CNTNAP4: variants seen among roughly 807,000 people sequenced by gnomAD.
CNTNAP4 encodes the protein contactin associated protein family member 4.
CNTNAP4 carries 98 observed loss-of-function variants against 148.4 expected under a neutral mutation model. The observed-to-expected ratio is 0.66, with a 90% CI of 0.56 to 0.78. CNTNAP4 has a LOEUF of 0.78. CNTNAP4 is among the 30% of genes least tolerant of loss of function. CNTNAP4 has a pLI of 0.00. For synonymous variants in CNTNAP4, 730 were observed against 565.1 expected (o/e 1.29, Z -4.14); for missense variants, 1,935 against 1,565.6 (o/e 1.24, Z -3.98).
chr16:76,316,101 T>C (rs920584812), intron 1 of CNTNAP4: 5 of 430,894 alleles, frequency 1.2e-5, no homozygotes, highest in Non-Finnish European at 1.6e-5. Flanking sequence ...AAACCTTAAG[T>C]ATTTAATTTT....
At chr16:76,475,232 A>G (rs998671975) in intron 10 of CNTNAP4, among the ~76,000 whole-genome samples, 3 of 152,190 alleles carry the variant, frequency 2.0e-5, no homozygotes, top group South Asian at 2.1e-4. Flanking sequence ...TTGATTTCAC[A>G]TGGTACTTGC....
At chr16:76,463,116 C>G (rs2081044606) in intron 9 of CNTNAP4, among the ~76,000 whole-genome samples, 1 of 152,138 alleles carries the variant, frequency 6.6e-6, no homozygotes, top group African/African-American at 2.4e-5. Context: ...GTTTCCTTTA[C>G]TGAGATGTTT....
chr16:76,477,739 A>G (rs1002106383), intron 11 of CNTNAP4, among the ~76,000 whole-genome samples: 1 of 152,202 alleles, frequency 6.6e-6, no homozygotes, highest in Non-Finnish European at 1.5e-5. Context: ...GAAGGACAGT[A>G]TATTTTAATT....
intron 1 of CNTNAP4, among the ~76,000 whole-genome samples, chr16:76,296,276 G>C (rs923899137): frequency 6.6e-6 from 1 of 152,162 alleles, no homozygotes; most frequent in African/African-American, 2.4e-5. Context: ...CCGCAACACA[G>C]AGCATTATAA....
At chr16:76,437,747 CT>C (rs1568167412) in intron 4 of CNTNAP4, among the ~76,000 whole-genome samples, 1 of 151,944 alleles carries the variant, frequency 6.6e-6, no homozygotes, top group East Asian at 1.9e-4. Context: ...AGAGGAGTAT[CT>C]CTTTAATTAA....
chr16:76,421,328 A>G (rs560936111), intron 3 of CNTNAP4, among the ~76,000 whole-genome samples: 1 of 152,150 alleles, frequency 6.6e-6, no homozygotes, highest in Admixed American at 6.6e-5. Flanking sequence ...GCAAATTGAG[A>G]TGTATTATAC....
chr16:76,462,196 A>C lies in CNTNAP4; in HGVS notation c.1483+91A>C, dbSNP rs910026057. 6 of 1,097,320 alleles carry C rather than the reference A, an allele frequency of 5.5e-6. No homozygotes were observed. The African/African-American group carries it at 9.4e-5, about 17-fold the overall frequency. The allele number at this position is 1,097,320 out of a possible 1,614,324, so 68.0% of individuals were successfully genotyped here. ...GCGAAGTCATCATGTTTTAACTAAT[A>C]TGAATACTAAGGAATAATTTTTCAC... On this transcript the variant is annotated intron_variant, in intron 9 of 23. Coordinates refer to ENST00000611870, the MANE Select transcript of CNTNAP4 (RefSeq NM_033401.5).
chr16:76,307,371 G>T (rs1234110649), intron 1 of CNTNAP4, among the ~76,000 whole-genome samples: 1 of 151,718 alleles, frequency 6.6e-6, no homozygotes, highest in Non-Finnish European at 1.5e-5. Context: ...TTGCTGAGGT[G>T]TGTGTGATGA....
intron 2 of CNTNAP4, among the ~76,000 whole-genome samples, chr16:76,328,906 A>G (rs1963261681): frequency 6.6e-6 from 1 of 152,096 alleles, no homozygotes; most frequent in Admixed American, 6.5e-5. Context: ...CAGCCGCCCA[A>G]AGTGCTGGGC....
chr16:76,281,161 C>G lies in CNTNAP4; in HGVS notation c.85+3414C>G, dbSNP rs79580842. 1.0e-2 allele frequency among the ~76,000 whole-genome samples: 1,515 copies of G among 152,218 alleles called. 15 individuals are homozygous for G. Among genetic ancestry groups the G allele is most frequent in the Non-Finnish European group, 0.018 (1,193 of 67,966 alleles). ...GATCACTCTTGTGGGTCCTGGGAGA[C>G]AGCTGGACAGATTCTCACATTGTTA... On this transcript the variant is annotated intron_variant, in intron 1 of 23. Transcript: ENST00000611870.
intron 14 of CNTNAP4, among the ~76,000 whole-genome samples, chr16:76,496,057 A>C (rs1208689914): frequency 6.7e-6 from 1 of 149,460 alleles, no homozygotes; most frequent in East Asian, 2.0e-4. Context: ...ACAACAGATT[A>C]TGTTATATCA....
intron 3 of CNTNAP4, among the ~76,000 whole-genome samples, chr16:76,392,731 T>G (rs1426572990): frequency 6.6e-6 from 1 of 152,298 alleles, no homozygotes; most frequent in East Asian, 1.9e-4. Context: ...GGAGGAGCTC[T>G]TTTTTGAAAT....
intron 3 of CNTNAP4, among the ~76,000 whole-genome samples, chr16:76,384,942 A>C (rs973235413): frequency 6.6e-5 from 10 of 152,198 alleles, no homozygotes; most frequent in Non-Finnish European, 1.3e-4. Flanking sequence ...ATTTTTTAAA[A>C]AATCAATGAG....
At chr16:76,341,890 GA>G (rs1555528075) in intron 2 of CNTNAP4, among the ~76,000 whole-genome samples, 3 of 152,136 alleles carry the variant, frequency 2.0e-5, no homozygotes, top group Non-Finnish European at 2.9e-5. Flanking sequence ...GGGAAGTTTA[GA>G]AAAAAACCCA....
At chr16:76,445,364 C>T (rs2080200919) in intron 4 of CNTNAP4, among the ~76,000 whole-genome samples, 2 of 152,232 alleles carry the variant, frequency 1.3e-5, no homozygotes, top group South Asian at 4.1e-4. Flanking sequence ...ATGGAAACAC[C>T]ATGAGGACAG....
intron 3 of CNTNAP4, among the ~76,000 whole-genome samples, chr16:76,423,959 A>G (rs2079284306): frequency 6.6e-6 from 1 of 152,088 alleles, no homozygotes; most frequent in African/African-American, 2.4e-5. Flanking sequence ...ATGCCCATTA[A>G]AAAATCTAGA....
At chr16:76,478,281 G>A (rs1222492993) in intron 11 of CNTNAP4, among the ~76,000 whole-genome samples, 1 of 152,126 alleles carries the variant, frequency 6.6e-6, no homozygotes, top group African/African-American at 2.4e-5. Flanking sequence ...ATGAACATAT[G>A]CATATGTACA....
chr16:76,544,305 A>G (rs1183735135), intron 21 of CNTNAP4, among the ~76,000 whole-genome samples: 1 of 152,066 alleles, frequency 6.6e-6, no homozygotes, highest in Non-Finnish European at 1.5e-5. Context: ...AAAGAGATAT[A>G]AAGGAAATAT....
intron 17 of CNTNAP4, among the ~76,000 whole-genome samples, chr16:76,526,358 G>A (rs2083730489): frequency 6.6e-6 from 1 of 152,146 alleles, no homozygotes; most frequent in African/African-American, 2.4e-5. Context: ...GGACCTTGTA[G>A]GGCCATGGCG....
Sources: gnomAD v4.1 joint callset for allele counts (sites outside exome capture counted in the v4.1 genomes callset) on GRCh38, gnomAD v4.1.1 for gene constraint, MANE v1.5 for transcripts, NCBI Gene and HGNC (gene_info 2026-07-23, HGNC 2026-07-21) for gene names.